Variants in PDZD2 observed in about 807,000 individuals in gnomAD.
PDZD2 encodes PDZ domain-containing protein 2.
In PDZD2, 90 loss-of-function variants were observed where a neutral mutation model predicts 220.7. The ratio of observed to expected loss-of-function variants is 0.41; its 90% confidence interval spans 0.34 to 0.49. The LOEUF (loss-of-function observed/expected upper bound fraction) is 0.49, where lower values mean the gene tolerates loss of function less well. Ranked by LOEUF, PDZD2 falls within the 20% of genes least tolerant of loss-of-function variation. The pLI, the probability that PDZD2 is intolerant of heterozygous loss-of-function variation, is 0.28. For missense variants in PDZD2, 3,174 were observed against 3,608.5 expected, an observed-to-expected ratio of 0.88 and a Z score of 3.08; for synonymous variants, 1,375 against 1,450.5, an observed-to-expected ratio of 0.95 and a Z score of 1.18.
At chr5:31,668,416 C>T (rs1037635081) in intron 1 of PDZD2, among the ~76,000 whole-genome samples, 1 of 152,228 alleles carries the variant, frequency 6.6e-6, no homozygotes, top group Non-Finnish European at 1.5e-5. Flanking sequence ...CTGCAGAGAA[C>T]TTCAGGTCTC....
chr5:31,731,425 C>T (rs1317277234), intron 1 of PDZD2, among the ~76,000 whole-genome samples: 2 of 152,114 alleles, frequency 1.3e-5, no homozygotes, highest in Non-Finnish European at 2.9e-5. Context: ...AATTCCAAAA[C>T]ATTTTCATCA....
intron 2 of PDZD2, among the ~76,000 whole-genome samples, chr5:31,819,961 C>T (rs1755729143): frequency 6.6e-6 from 1 of 152,228 alleles, no homozygotes; most frequent in Admixed American, 6.5e-5. Context: ...TGGGTTCAGT[C>T]ACTTGACAGG....
At chr5:31,737,297 T>C (rs762019191) in intron 1 of PDZD2, among the ~76,000 whole-genome samples, 26 of 150,158 alleles carry the variant, frequency 1.7e-4, no homozygotes, top group South Asian at 4.3e-4. Context: ...CTCAGCCTCC[T>C]GAGTAGCTGG....
intron 1 of PDZD2, among the ~76,000 whole-genome samples, chr5:31,683,207 T>TAAAAAAAAAAAAAAAAAAAAA (rs35467814): frequency 7.7e-6 from 1 of 129,050 alleles, no homozygotes. Flanking sequence ...ATCAGAATGT[T>TAAAAAAAAAAAAAAAAAAAAA]AAAAAAAAAA....
chr5:31,853,662 T>A (rs1217380640), intron 2 of PDZD2, among the ~76,000 whole-genome samples: 1 of 152,170 alleles, frequency 6.6e-6, no homozygotes, highest in East Asian at 1.9e-4. Flanking sequence ...TTTTGCCTCC[T>A]CCATTATAAT....
chr5:31,890,459 C>A (rs961897786), intron 2 of PDZD2, among the ~76,000 whole-genome samples: 1 of 151,998 alleles, frequency 6.6e-6, no homozygotes, highest in Admixed American at 6.6e-5. Flanking sequence ...GGTAGAGGGT[C>A]GATTCCCGGT....
At chr5:31,740,109 C>T (rs1043918598) in intron 1 of PDZD2, among the ~76,000 whole-genome samples, 1 of 152,112 alleles carries the variant, frequency 6.6e-6, no homozygotes, top group Non-Finnish European at 1.5e-5. Flanking sequence ...GTAGCCATTG[C>T]TTTGATTGTG....
chr5:32,104,082 G>C (rs921153558), intron 24 of PDZD2: 2 of 152,192 alleles, frequency 1.3e-5, no homozygotes, highest in Admixed American at 1.3e-4. Context: ...TGATACGGCA[G>C]ATCCCACCTT....
chr5:32,092,966 C>T lies in PDZD2; in HGVS notation c.7787C>T (p.Ser2596Leu). The stretch of plus-strand genomic sequence containing the variant: ...CAAAGATTACAGTCTGTTTTATCGT[C>T]AGTGGGATCGAAATCTACCATCCTA... ...DQQRLQSVLS[S>L]VGSKSTILTL... The change falls in exon 21 of 25, where the codon TCA (serine) becomes TTA (leucine). Residue 2596 changes from serine to leucine, a missense_variant. By Grantham distance (145) the Ser-to-Leu change is moderately radical. Coordinates refer to ENST00000438447, the MANE Select transcript of PDZD2 (RefSeq NM_178140.4). 6.2e-7 allele frequency: 1 copy of T among 1,608,340 alleles called. No individual in the cohort carries two copies. Among genetic ancestry groups the T allele is most frequent in the Middle Eastern group, 1.7e-4 (1 of 6,046 alleles).
chr5:31,763,376 C>T (rs1419697649), intron 1 of PDZD2, among the ~76,000 whole-genome samples: 2 of 152,164 alleles, frequency 1.3e-5, no homozygotes, highest in Non-Finnish European at 2.9e-5. Context: ...GAGCCTCTGT[C>T]CTTGCGTGTG....
Position 31,983,559 on chromosome 5 carries a change from T to C in PDZD2, c.881T>C (p.Ile294Thr), listed in dbSNP as rs761280213. ...SEVDRGTEHR[I>T]PKTDAPLTTS... ...GTGGACAGAGGGACAGAGCATAGAA[T>C]TCCAAAGACAGATGCTCCTCTGACC... The change falls in exon 3 of 25, where the codon ATT (isoleucine) becomes ACT (threonine). Residue 294 changes from isoleucine to threonine, a missense_variant. Physicochemically the swap from Ile to Thr is moderately conservative, Grantham distance 89 (BLOSUM62 -1). Transcript: ENST00000438447. 28 of 1,614,020 alleles carry C rather than the reference T, an allele frequency of 1.7e-5. No homozygotes were observed. The highest frequency in any genetic ancestry group is 2.3e-5 in the Non-Finnish European group (27 of 1,180,010).
At chr5:31,676,788 A>G (rs912538310) in intron 1 of PDZD2, among the ~76,000 whole-genome samples, 3 of 152,020 alleles carry the variant, frequency 2.0e-5, no homozygotes, top group Non-Finnish European at 4.4e-5. Flanking sequence ...TCCTGATGTC[A>G]GGTGATCTGC....
intron 7 of PDZD2, among the ~76,000 whole-genome samples, chr5:32,039,541 T>C (rs1755853978): frequency 6.6e-6 from 1 of 151,878 alleles, no homozygotes; most frequent in African/African-American, 2.4e-5. Context: ...TCTTAAGAAG[T>C]GAGCAGCGTC....
At chr5:31,707,365 A>G (rs1408415564) in intron 1 of PDZD2, among the ~76,000 whole-genome samples, 1 of 152,126 alleles carries the variant, frequency 6.6e-6, no homozygotes, top group East Asian at 1.9e-4. Flanking sequence ...GTGTCCTTAG[A>G]AGAAGAGGTA....
At chr5:31,693,240 C>CTT (rs10650316) in intron 1 of PDZD2, among the ~76,000 whole-genome samples, 28,551 of 87,296 alleles carry the variant, frequency 0.33, 5,919 homozygotes, top group African/African-American at 0.49. Context: ...TGGGAAAGCA[C>CTT]TTTTTTTTTT....
At chr5:32,048,478 G>C in intron 7 of PDZD2, 61 bp from the exon 8 acceptor site, 1 of 1,427,310 alleles carries the variant, frequency 7.0e-7, no homozygotes, top group Admixed American at 1.7e-5. Context: ...TATGCCTCTG[G>C]ATGTGCTTAC....
chr5:31,850,174 GTATA>G (rs1193647007), intron 2 of PDZD2, among the ~76,000 whole-genome samples: 4 of 122,930 alleles, frequency 3.3e-5, no homozygotes, highest in East Asian at 2.2e-4. Context: ...GTATATATAA[GTATA>G]TATATAAGTA....
chr5:31,753,397 G>A (rs766391484), intron 1 of PDZD2, among the ~76,000 whole-genome samples: 2 of 152,180 alleles, frequency 1.3e-5, no homozygotes, highest in Non-Finnish European at 2.9e-5. Flanking sequence ...TAGGTCACGA[G>A]TTCAAGACCA....
intron 2 of PDZD2, among the ~76,000 whole-genome samples, chr5:31,896,648 G>A (rs1741597573): frequency 6.6e-6 from 1 of 152,198 alleles, no homozygotes; most frequent in African/African-American, 2.4e-5. Flanking sequence ...TTTTAAAATT[G>A]TGTGTGTTAC....
Sources: gnomAD v4.1 joint callset for allele counts (sites outside exome capture counted in the v4.1 genomes callset) on GRCh38, gnomAD v4.1.1 for gene constraint, MANE v1.5 for transcripts, NCBI Gene and HGNC (gene_info 2026-07-23, HGNC 2026-07-21) for gene names.